The following EFCAB5 variants were observed in gnomAD, a reference collection of about 807,000 sequenced individuals.
EFCAB5 encodes EF-hand calcium binding domain 5, also known as EF-hand calcium-binding domain-containing protein 5.
In EFCAB5, 131 loss-of-function variants were observed where a neutral mutation model predicts 167.9. That is an observed-to-expected ratio of 0.78 (90% CI 0.68 to 0.90). The LOEUF is 0.90. Ranked by LOEUF, EFCAB5 falls within the 40% of genes least tolerant of loss-of-function variation. The pLI, the probability that EFCAB5 is intolerant of heterozygous loss-of-function variation, is 0.00. For synonymous variants in EFCAB5, 574 were observed against 602.8 expected (o/e 0.95, Z 0.70); for missense variants, 1,663 against 1,745.2 (o/e 0.95, Z 0.84).
At chr17:30,080,705 A>T (rs1048224334) in intron 16 of EFCAB5, 48 bp from the exon 17 acceptor site, 1 of 1,378,184 alleles carries the variant, frequency 7.3e-7, no homozygotes, top group Non-Finnish European at 1.0e-6. Context: ...GGTTTAATCT[A>T]AATCTCTCCC....
At chr17:29,936,269 AC>A (rs1264402830) in intron 1 of EFCAB5, among the ~76,000 whole-genome samples, 2 of 152,104 alleles carry the variant, frequency 1.3e-5, no homozygotes, top group African/African-American at 2.4e-5. Flanking sequence ...GAACACTTGG[AC>A]ACAGGAAGGG....
At chr17:30,105,746 A>G (rs2071441240) in intron 22 of EFCAB5, among the ~76,000 whole-genome samples, 1 of 152,194 alleles carries the variant, frequency 6.6e-6, no homozygotes, top group African/African-American at 2.4e-5. Flanking sequence ...CCTTAATTTA[A>G]TGTTTCAATT....
chr17:30,072,434 G>A (rs1401940520), intron 14 of EFCAB5, among the ~76,000 whole-genome samples: 1 of 152,158 alleles, frequency 6.6e-6, no homozygotes. Flanking sequence ...TTATTTAAAA[G>A]TCTCATTGAA....
intron 18 of EFCAB5, among the ~76,000 whole-genome samples, chr17:30,084,969 G>A (rs1055351949): frequency 7.2e-5 from 11 of 152,086 alleles, no homozygotes; most frequent in Admixed American, 6.5e-5. Context: ...GTCGGTTCTG[G>A]TCATTGCTTC....
chr17:29,988,975 G>A (rs890363804), intron 4 of EFCAB5, among the ~76,000 whole-genome samples: 2 of 152,166 alleles, frequency 1.3e-5, no homozygotes, highest in African/African-American at 4.8e-5. Flanking sequence ...CTGCAACTCT[G>A]CCTCAGCCTC....
chr17:29,948,078 G>A (rs373909981), intron 3 of EFCAB5, among the ~76,000 whole-genome samples: 3 of 152,038 alleles, frequency 2.0e-5, no homozygotes, highest in Non-Finnish European at 2.9e-5. Flanking sequence ...CGCCCACCTC[G>A]GCCTCCCAAA....
chr17:30,072,471 C>T (rs1276211398), intron 14 of EFCAB5, among the ~76,000 whole-genome samples: 1 of 152,068 alleles, frequency 6.6e-6, no homozygotes, highest in African/African-American at 2.4e-5. Context: ...TTTAAAGAAA[C>T]TGAAAACTGG....
chr17:30,061,673 T>C (rs2070430085), intron 14 of EFCAB5, among the ~76,000 whole-genome samples: 1 of 152,148 alleles, frequency 6.6e-6, no homozygotes, highest in Non-Finnish European at 1.5e-5. Flanking sequence ...TCTTCCAGGC[T>C]CAAATGATCC....
At chr17:30,013,102 G>T (rs570391772) in intron 7 of EFCAB5, among the ~76,000 whole-genome samples, 1 of 152,022 alleles carries the variant, frequency 6.6e-6, no homozygotes, top group Admixed American at 6.6e-5. Flanking sequence ...GATGGATTAC[G>T]TTTATTGATT....
chr17:30,009,967 C>T (rs1051000956), intron 7 of EFCAB5, among the ~76,000 whole-genome samples: 2 of 152,102 alleles, frequency 1.3e-5, no homozygotes, highest in East Asian at 1.9e-4. Flanking sequence ...CTCCATCCCC[C>T]GACCCCATGA....
intron 5 of EFCAB5, among the ~76,000 whole-genome samples, chr17:29,995,173 C>G (rs73265753): frequency 0.096 from 14,539 of 152,160 alleles, 1,601 homozygotes; most frequent in African/African-American, 0.27. Flanking sequence ...CCACTGTGCC[C>G]AGCTTGCCCT....
intron 14 of EFCAB5, among the ~76,000 whole-genome samples, chr17:30,070,578 C>T (rs1405578523): frequency 6.6e-6 from 1 of 152,130 alleles, no homozygotes; most frequent in East Asian, 1.9e-4. Flanking sequence ...CAAGAACATT[C>T]ATTGGGGAAG....
rs570967655 is a variant in EFCAB5 at position 30,053,572 on chromosome 17, A to C, written c.1618A>C (p.Ile540Leu). 1 of 1,613,980 alleles carries C rather than the reference A, an allele frequency of 6.2e-7. No homozygotes were observed. Among genetic ancestry groups the C allele is most frequent in the South Asian group, 1.1e-5 (1 of 91,088 alleles). ...GCCAACTGCAGAGCAAGAACTGTAC[A>C]TAGAATCAGTAATAGAACCAGGAAC... is the stretch of plus-strand genomic sequence containing the variant. ...KKPTAEQELY[I>L]ESVIEPGTHT... Residue 540 changes from isoleucine to leucine, a missense_variant, in exon 10 of 23, where the codon ATA (isoleucine) becomes CTA (leucine). Coordinates refer to ENST00000394835, the MANE Select transcript of EFCAB5 (RefSeq NM_198529.4).
At chr17:30,086,918 T>A in intron 18 of EFCAB5, 145 bp from the exon 19 acceptor site, 1 of 605,528 alleles carries the variant, frequency 1.7e-6, no homozygotes, top group South Asian at 2.4e-5. Context: ...TCCTGTTCTC[T>A]AATGGTACTA....
upstream of EFCAB5, among the ~76,000 whole-genome samples, chr17:29,941,147 A>T (rs2067293054): frequency 6.6e-6 from 1 of 152,210 alleles, no homozygotes; most frequent in African/African-American, 2.4e-5. Flanking sequence ...CTGTGTGAAT[A>T]TAATTTACTC....
rs547226222 is a variant in EFCAB5 at position 30,078,706 on chromosome 17, A to G, written c.3027+202A>G. On this transcript the variant is annotated intron_variant, in intron 15 of 22. Coordinates refer to ENST00000394835, the MANE Select transcript of EFCAB5 (RefSeq NM_198529.4). The stretch of plus-strand genomic sequence containing the variant: ...AGTGACTGCTGGTTGACAAGATAGA[A>G]GCAGAGGAGAAAGGTAGAAAAGACA... 3.3e-5 allele frequency among the ~76,000 whole-genome samples: 5 copies of G among 152,314 alleles called. No homozygotes were observed. In the South Asian group the frequency reaches 1.0e-3, roughly 32 times the overall value.
intron 3 of EFCAB5, among the ~76,000 whole-genome samples, chr17:29,955,844 C>T (rs1023183048): frequency 3.3e-5 from 5 of 151,474 alleles, no homozygotes; most frequent in Non-Finnish European, 7.4e-5. Flanking sequence ...AACCAAAAAA[C>T]AGCTCGAGTA....
At chr17:30,068,808 T>C (rs2070650272) in intron 14 of EFCAB5, 1 of 1,366,778 alleles carries the variant, frequency 7.3e-7, no homozygotes, top group Non-Finnish European at 1.0e-6. Flanking sequence ...TTTCTCACAG[T>C]GGCAAACTGA....
At chr17:30,030,946 C>G (rs559983777) in intron 7 of EFCAB5, among the ~76,000 whole-genome samples, 1 of 152,302 alleles carries the variant, frequency 6.6e-6, no homozygotes, top group South Asian at 2.1e-4. Context: ...AGCATTCCCA[C>G]AGCCAGAAAG....
Sources: allele counts gnomAD v4.1 joint callset (sites outside exome capture counted in the v4.1 genomes callset), GRCh38; gene constraint gnomAD v4.1.1; transcripts MANE v1.5; gene names NCBI Gene and HGNC (gene_info 2026-07-23, HGNC 2026-07-21).